The following FAM204A variants were observed in gnomAD, a reference collection of about 807,000 sequenced individuals.
The protein encoded by FAM204A is protein FAM204A.
FAM204A carries 16 observed loss-of-function variants against 35.4 expected under a neutral mutation model. The observed-to-expected ratio is 0.45, with a 90% CI of 0.31 to 0.69. The LOEUF (loss-of-function observed/expected upper bound fraction) is 0.69. Ranked by LOEUF, FAM204A falls within the 30% of genes least tolerant of loss-of-function variation. The pLI, the probability that FAM204A is intolerant of heterozygous loss-of-function variation, is 0.07. For missense variants in FAM204A, 240 were observed against 265.7 expected (o/e 0.90, Z 0.67); for synonymous variants, 76 against 86.9 (o/e 0.88, Z 0.70).
chr10:118,319,593 AGCTCAACAGCACTAAGG>A (rs1349862010), intron 7 of FAM204A, among the ~76,000 whole-genome samples: 2 of 152,008 alleles, frequency 1.3e-5, no homozygotes, highest in Non-Finnish European at 2.9e-5. Context: ...AATAATATTA[AGCTCAACAGCACTAAGG>A]GCTGAAGTCA....
intron 6 of FAM204A, 27 bp downstream of exon 6, chr10:118,335,087 T>A (rs749711987): frequency 4.7e-6 from 7 of 1,484,230 alleles, no homozygotes; most frequent in Non-Finnish European, 6.6e-6. Context: ...TACTAGCTGG[T>A]ATAAGATGCA....
At chr10:118,331,434 G>C (rs190424187) in intron 6 of FAM204A, among the ~76,000 whole-genome samples, 104 of 152,232 alleles carry the variant, frequency 6.8e-4, no homozygotes, top group Non-Finnish European at 9.4e-4. Flanking sequence ...TCTAAACGAA[G>C]TATCTAACCC....
intron 7 of FAM204A, among the ~76,000 whole-genome samples, chr10:118,319,857 T>C (rs1846085159): frequency 1.3e-5 from 2 of 151,974 alleles, no homozygotes; most frequent in Non-Finnish European, 2.9e-5. Context: ...GAAGTTCTGG[T>C]GTTTTCAAGG....
At chr10:118,335,663 T>C in intron 3 of FAM204A, 22 bp from the exon 4 acceptor site, 1 of 1,534,034 alleles carries the variant, frequency 6.5e-7, no homozygotes, top group South Asian at 1.2e-5. Flanking sequence ...AAAAAAAAAT[T>C]GAGAAGCAAA....
intron 6 of FAM204A, among the ~76,000 whole-genome samples, chr10:118,329,820 T>C (rs1846262447): frequency 6.6e-6 from 1 of 152,208 alleles, no homozygotes; most frequent in Non-Finnish European, 1.5e-5. Context: ...CCGTCATCCA[T>C]GTTTGCATTC....
Position 118,334,412 on chromosome 10 carries a change from A to G in FAM204A, c.453+702T>C, listed in dbSNP as rs537074710. The stretch of plus-strand genomic sequence containing the variant: ...TACTTCTACAATACGCCTCAAATCC[A>G]TCCACTTTTTTCCTTCTTCAGCAGA... On this transcript the variant is annotated intron_variant, in intron 6 of 8. Coordinates refer to ENST00000369183, the MANE Select transcript of FAM204A (RefSeq NM_022063.3). Among the ~76,000 whole-genome samples, 4 of 152,204 alleles carry G rather than the reference A, an allele frequency of 2.6e-5. No homozygotes were observed. The South Asian group carries it at 8.3e-4, about 32-fold the overall frequency.
chr10:118,320,671 C>T (rs759372783), intron 7 of FAM204A, among the ~76,000 whole-genome samples: 14 of 151,978 alleles, frequency 9.2e-5, no homozygotes, highest in Non-Finnish European at 1.5e-4. Context: ...ATTTAATCAA[C>T]AGGAGGGACA....
intron 6 of FAM204A, among the ~76,000 whole-genome samples, chr10:118,333,933 A>G (rs1846331416): frequency 6.6e-6 from 1 of 152,192 alleles, no homozygotes; most frequent in Non-Finnish European, 1.5e-5. Flanking sequence ...GTACACACAT[A>G]GTCTACAGCA....
At chr10:118,330,864 T>C (rs1455662338) in intron 6 of FAM204A, among the ~76,000 whole-genome samples, 2 of 152,174 alleles carry the variant, frequency 1.3e-5, no homozygotes, top group Non-Finnish European at 2.9e-5. Flanking sequence ...TAAGCAACCC[T>C]GAGTGAGTTT....
intron 7 of FAM204A, among the ~76,000 whole-genome samples, chr10:118,324,200 T>C (rs1172001208): frequency 6.6e-6 from 1 of 151,630 alleles, no homozygotes; most frequent in Non-Finnish European, 1.5e-5. Flanking sequence ...TGAAACAGAG[T>C]AATAGTCAAA....
At position 118,307,737 on chromosome 10, in the gene FAM204A, T is replaced by C. The variant is rs1489881848; in HGVS notation, c.*3120A>G. ...AAACTTGTCTTATTAAAGTTATTAA[T>C]AAGCTAAAAGATAATATTTTAGACA... On this transcript the variant is annotated 3_prime_UTR_variant, in exon 9 of 9. Transcript: ENST00000369183. The C allele has an allele frequency of 5.3e-5, 8 of 152,220 alleles. No homozygotes were observed. Among genetic ancestry groups the C allele is most frequent in the Non-Finnish European group, 1.0e-4 (7 of 68,038 alleles). 9.4% of individuals were successfully genotyped at this position (152,220 alleles called of 1,614,324 possible). A position where few individuals can be genotyped will look rare whatever the true frequency, so the allele number is the denominator to read the frequency against.
chr10:118,320,727 T>C (rs1322978048), intron 7 of FAM204A, among the ~76,000 whole-genome samples: 10 of 151,942 alleles, frequency 6.6e-5, no homozygotes. Flanking sequence ...CAGCATAATC[T>C]AGGCTTCAAA....
chr10:118,339,913 CTTGT>C lies in FAM204A; in HGVS notation c.-9+1810_-9+1813del, dbSNP rs58504765. ...GTCCTAGTCTGAATAACTAGGGTTTCTTGTTTGTTTGTTTGTTTGCCCTTGAAAA... is the reference window on the plus strand; with the variant it reads ...GTCCTAGTCTGAATAACTAGGGTTTCTTGTTTGTTTGTTTGCCCTTGAAAA... On this transcript the variant is annotated intron_variant, in intron 2 of 8. Coordinates refer to ENST00000369183, the MANE Select transcript of FAM204A (RefSeq NM_022063.3). Among the ~76,000 whole-genome samples, 1,432 of 152,124 alleles carry C rather than the reference CTTGT, an allele frequency of 9.4e-3. 18 individuals are homozygous for C. The highest frequency in any genetic ancestry group is 0.033 in the African/African-American group (1,349 of 41,504).
chr10:118,299,624 TC>T lies in FAM204A; in HGVS notation c.*11232del, dbSNP rs1845787188. The T allele has an allele frequency of 1.3e-5, 2 of 152,160 alleles. No homozygotes were observed. Among genetic ancestry groups the T allele is most frequent in the Admixed American group, 6.6e-5 (1 of 15,258 alleles). The allele number at this position is 152,160 out of a possible 1,614,324, so 9.4% of individuals were successfully genotyped here. ...TTGAACTCCTAGGCTCAAGCAGCTC[TC>T]CCTCCTCGGCCTCCCAAAGTGCTAG... On this transcript the variant is annotated 3_prime_UTR_variant, in exon 9 of 9. Transcript: ENST00000369183.
In FAM204A at chr10:118,299,538, C is replaced by T. The variant is rs1351353844; in HGVS notation, c.*11319G>A. The T allele has an allele frequency of 1.3e-5, 2 of 151,920 alleles. No individual in the cohort carries two copies. Among genetic ancestry groups the T allele is most frequent in the Non-Finnish European group, 2.9e-5 (2 of 68,042 alleles). 9.4% of individuals were successfully genotyped at this position (151,920 alleles called of 1,614,324 possible). A position where few individuals can be genotyped will look rare whatever the true frequency, so the allele number is the denominator to read the frequency against. On this transcript the variant is annotated 3_prime_UTR_variant, in exon 9 of 9. Transcript: ENST00000369183. ...CTGGGGGACTACAGGGGTGTACCACCACATATGGCTAATTTTTTATTTTTT... is the reference window on the plus strand; with the variant it reads ...CTGGGGGACTACAGGGGTGTACCACTACATATGGCTAATTTTTTATTTTTT...
rs981600842 is a variant in FAM204A at position 118,307,747 on chromosome 10, GATA to G, written c.*3107_*3109del. The G allele has an allele frequency of 7.9e-5, 12 of 152,254 alleles. No homozygotes were observed. The highest frequency in any genetic ancestry group is 1.8e-4 in the Non-Finnish European group (12 of 67,996). The allele number at this position is 152,254 out of a possible 1,614,324, so 9.4% of individuals were successfully genotyped here. A position where few individuals can be genotyped will look rare whatever the true frequency, so the allele number is the denominator to read the frequency against. ...TATTAAAGTTATTAATAAGCTAAAA[GATA>G]ATATTTTAGACAAAAGGTATAAAGA... On this transcript the variant is annotated 3_prime_UTR_variant, in exon 9 of 9. Coordinates refer to ENST00000369183, the MANE Select transcript of FAM204A (RefSeq NM_022063.3).
At chr10:118,317,463 A>G (rs1397329697) in intron 7 of FAM204A, among the ~76,000 whole-genome samples, 1 of 152,026 alleles carries the variant, frequency 6.6e-6, no homozygotes, top group Non-Finnish European at 1.5e-5. Flanking sequence ...AAGAGAGCAT[A>G]AGGAACACCA....
At chr10:118,335,452 T>A in intron 4 of FAM204A, 26 bp from the exon 5 acceptor site, 3 of 1,599,202 alleles carry the variant, frequency 1.9e-6, no homozygotes, top group Non-Finnish European at 2.6e-6. Flanking sequence ...AAAGTGTCAA[T>A]ACCTAACTTC....
chr10:118,310,202 G>C lies in FAM204A; in HGVS notation c.*655C>G, dbSNP rs1408504158. The C allele has an allele frequency of 6.6e-6, 1 of 151,982 alleles. No homozygotes were observed. The highest frequency in any genetic ancestry group is 1.5e-5 in the Non-Finnish European group (1 of 68,030). The allele number at this position is 151,982 out of a possible 1,614,324, so 9.4% of individuals were successfully genotyped here. A position where few individuals can be genotyped will look rare whatever the true frequency, so the allele number is the denominator to read the frequency against. On this transcript the variant is annotated 3_prime_UTR_variant, in exon 9 of 9. Coordinates refer to ENST00000369183, the MANE Select transcript of FAM204A (RefSeq NM_022063.3). Reference sequence around the variant, plus strand: ...AGATAAGAAAATACAAGGGCAGCATGGTAGCTCATGTCTGTACTCCCAGAA... The same window carrying C: ...AGATAAGAAAATACAAGGGCAGCATCGTAGCTCATGTCTGTACTCCCAGAA...
Sources: gnomAD v4.1 joint callset for allele counts (sites outside exome capture counted in the v4.1 genomes callset) on GRCh38, gnomAD v4.1.1 for gene constraint, MANE v1.5 for transcripts, NCBI Gene and HGNC (gene_info 2026-07-23, HGNC 2026-07-21) for gene names.